DPYD: variants seen among roughly 807,000 people sequenced by gnomAD.
DPYD encodes dihydropyrimidine dehydrogenase, also known as dihydropyrimidine dehydrogenase [NADP(+)].
DPYD carries 109 observed loss-of-function variants against 116.2 expected under a neutral mutation model. The observed-to-expected ratio is 0.94, with a 90% CI of 0.80 to 1.10. DPYD has a LOEUF of 1.10. Among genes scored for constraint, DPYD ranks in the 50% least tolerant of loss-of-function variants. The pLI, the probability that DPYD is intolerant of heterozygous loss-of-function variation, is 0.00. For synonymous variants in DPYD, 440 were observed against 432.0 expected (o/e 1.02, Z -0.23); for missense variants, 1,302 against 1,254.5 (o/e 1.04, Z -0.57).
intron 19 of DPYD, among the ~76,000 whole-genome samples, chr1:97,231,216 T>G (rs985999378): frequency 6.6e-6 from 1 of 152,164 alleles, no homozygotes; most frequent in African/African-American, 2.4e-5. Flanking sequence ...CATGGAAGAC[T>G]TGCGTATTAC....
chr1:97,447,620 T>G (rs1676162753), intron 14 of DPYD, among the ~76,000 whole-genome samples: 2 of 152,158 alleles, frequency 1.3e-5, no homozygotes, highest in Admixed American at 1.3e-4. Flanking sequence ...AAAAGCATTC[T>G]AAGAGAAGAA....
chr1:97,863,845 G>A (rs1671241805), intron 2 of DPYD, among the ~76,000 whole-genome samples: 1 of 151,912 alleles, frequency 6.6e-6, no homozygotes, highest in Non-Finnish European at 1.5e-5. Context: ...TATCTCTAGA[G>A]TCTTAATAAA....
At chr1:97,793,274 G>A (rs1053789297) in intron 3 of DPYD, among the ~76,000 whole-genome samples, 1 of 152,146 alleles carries the variant, frequency 6.6e-6, no homozygotes, top group South Asian at 2.1e-4. Context: ...ATTTTGTTAA[G>A]ATGGTGATTC....
chr1:97,292,020 G>T (rs1247333869), intron 18 of DPYD, among the ~76,000 whole-genome samples: 1 of 151,892 alleles, frequency 6.6e-6, no homozygotes, highest in Non-Finnish European at 1.5e-5. Flanking sequence ...CCCACATTAG[G>T]TTTTATTTTT....
At chr1:97,705,985 T>C (rs947851714) in intron 5 of DPYD, among the ~76,000 whole-genome samples, 4 of 152,060 alleles carry the variant, frequency 2.6e-5, no homozygotes, top group Admixed American at 6.6e-5. Context: ...GGGTTTTTTT[T>C]CTTGTAAATT....
intron 20 of DPYD, among the ~76,000 whole-genome samples, chr1:97,179,644 A>G (rs1657514946): frequency 6.6e-6 from 1 of 152,104 alleles, no homozygotes; most frequent in Non-Finnish European, 1.5e-5. Context: ...TCCAGTCTAT[A>G]AGGCACTTCA....
At chr1:97,895,898 C>A (rs988737358) in intron 1 of DPYD, among the ~76,000 whole-genome samples, 1 of 151,500 alleles carries the variant, frequency 6.6e-6, no homozygotes, top group African/African-American at 2.4e-5. Context: ...TCAAGATATC[C>A]CAATTTTTTT....
intron 20 of DPYD, among the ~76,000 whole-genome samples, chr1:97,185,058 G>T (rs1379394779): frequency 6.6e-6 from 1 of 152,096 alleles, no homozygotes; most frequent in Non-Finnish European, 1.5e-5. Flanking sequence ...ATTGCTGAAG[G>T]CCATTATTAT....
intron 3 of DPYD, among the ~76,000 whole-genome samples, chr1:97,786,805 C>CA (rs1667062136): frequency 6.6e-6 from 1 of 152,058 alleles, no homozygotes; most frequent in Non-Finnish European, 1.5e-5. Context: ...CTAAAAATAG[C>CA]AAAAATTTGC....
intron 20 of DPYD, among the ~76,000 whole-genome samples, chr1:97,162,844 G>T (rs1440856530): frequency 6.6e-6 from 1 of 151,554 alleles, no homozygotes; most frequent in Non-Finnish European, 1.5e-5. Context: ...ACAACTATCT[G>T]ATCTTTGACA....
At chr1:97,900,177 C>T (rs144892790) in intron 1 of DPYD, among the ~76,000 whole-genome samples, 363 of 151,990 alleles carry the variant, frequency 2.4e-3, no homozygotes, top group Non-Finnish European at 4.6e-3. Context: ...GCTCTAGCTG[C>T]TAACTTCAAC....
chr1:97,377,826 G>A (rs1172300914), intron 15 of DPYD, among the ~76,000 whole-genome samples: 1 of 152,182 alleles, frequency 6.6e-6, no homozygotes, highest in Non-Finnish European at 1.5e-5. Flanking sequence ...GGATGTCACA[G>A]CCTAAGCGGA....
At chr1:97,408,384 T>G (rs1246021693) in intron 14 of DPYD, among the ~76,000 whole-genome samples, 3 of 152,202 alleles carry the variant, frequency 2.0e-5, no homozygotes, top group African/African-American at 4.8e-5. Context: ...GGAAAATATC[T>G]TCATTTTATT....
intron 13 of DPYD, among the ~76,000 whole-genome samples, chr1:97,510,104 A>G (rs1285053627): frequency 6.6e-6 from 1 of 151,794 alleles, no homozygotes; most frequent in African/African-American, 2.4e-5. Context: ...AAAACAAACA[A>G]ACAAACAACA....
intron 18 of DPYD, among the ~76,000 whole-genome samples, chr1:97,258,044 C>T (rs1179773990): frequency 6.6e-6 from 1 of 151,958 alleles, no homozygotes; most frequent in Admixed American, 6.6e-5. Context: ...TCACAGATAA[C>T]GGCATGAGCA....
In DPYD at chr1:97,699,439, C is replaced by G. The variant is rs753166888; in HGVS notation, c.592G>C (p.Ala198Pro). ...AAAAAGGAAGCACAACTTATACTTG[C>G]AGGCCCAGCACCAAAAAGAGCAATC... is the stretch of plus-strand genomic sequence containing the variant. ...AKIALFGAGP[A>P]SISCASFLAR... The change falls in exon 6 of 23, where the codon GCA (alanine) becomes CCA (proline). Residue 198 changes from alanine (A) to proline (P), a missense_variant. Coordinates refer to ENST00000370192, the MANE Select transcript of DPYD (RefSeq NM_000110.4). 9 of 1,613,698 alleles carry G rather than the reference C, an allele frequency of 5.6e-6. No individual in the cohort carries two copies. The highest frequency in any genetic ancestry group is 1.7e-5 in the Admixed American group (1 of 59,960).
chr1:97,714,414 A>G (rs912960520), intron 5 of DPYD, among the ~76,000 whole-genome samples: 1 of 151,716 alleles, frequency 6.6e-6, no homozygotes, highest in African/African-American at 2.4e-5. Context: ...GGGTTTTACC[A>G]TGTTGGCCAA....
At chr1:97,497,178 T>A (rs1679314421) in intron 13 of DPYD, among the ~76,000 whole-genome samples, 2 of 151,966 alleles carry the variant, frequency 1.3e-5, no homozygotes, top group South Asian at 2.1e-4. Flanking sequence ...CTCCTTGCTA[T>A]CTACAGTATA....
chr1:97,194,534 C>T (rs1406084149), intron 19 of DPYD, among the ~76,000 whole-genome samples: 2 of 151,950 alleles, frequency 1.3e-5, no homozygotes, highest in East Asian at 1.9e-4. Context: ...TTTTTGGAGT[C>T]TCACCCTGTC....
Sources: allele counts gnomAD v4.1 joint callset (sites outside exome capture counted in the v4.1 genomes callset), GRCh38; gene constraint gnomAD v4.1.1; transcripts MANE v1.5; gene names NCBI Gene and HGNC (gene_info 2026-07-23, HGNC 2026-07-21).